MYO5B: variants seen among roughly 807,000 people sequenced by gnomAD.
MYO5B encodes the protein unconventional myosin-Vb.
MYO5B carries 143 observed loss-of-function variants against 229.3 expected under a neutral mutation model. The ratio of observed to expected loss-of-function variants is 0.62; its 90% CI spans 0.54 to 0.72. The LOEUF is 0.72. MYO5B is among the 30% of genes least tolerant of loss of function. The pLI, the probability that MYO5B is intolerant of heterozygous loss-of-function variation, is 0.00. For missense variants in MYO5B, 2,321 were observed against 2,331.0 expected (o/e 1.00, Z 0.09); for synonymous variants, 918 against 885.2 (o/e 1.04, Z -0.66).
intron 31 of MYO5B, 21 bp from the exon 32 acceptor site, chr18:49,849,681 G>A: frequency 6.9e-6 from 11 of 1,585,620 alleles, no homozygotes; most frequent in South Asian, 1.1e-5. Flanking sequence ...AGGAAGCAGT[G>A]TGAGAACAGA....
At chr18:49,930,354 A>C (rs1006388244) in intron 16 of MYO5B, among the ~76,000 whole-genome samples, 3 of 152,190 alleles carry the variant, frequency 2.0e-5, no homozygotes, top group African/African-American at 4.8e-5. Flanking sequence ...CTTCAGAGAT[A>C]TGTGCACCAT....
chr18:50,190,794 A>G (rs2033216174), intron 1 of MYO5B, among the ~76,000 whole-genome samples: 1 of 152,250 alleles, frequency 6.6e-6, no homozygotes, highest in Non-Finnish European at 1.5e-5. Context: ...ATATATTTAA[A>G]TGTTTCATAT....
intron 22 of MYO5B, among the ~76,000 whole-genome samples, chr18:49,893,471 T>C (rs1263158606): frequency 6.6e-6 from 1 of 152,190 alleles, no homozygotes; most frequent in Non-Finnish European, 1.5e-5. Flanking sequence ...ACAAGACTTG[T>C]AGACACATTT....
intron 14 of MYO5B, 39 bp downstream of exon 14, chr18:49,953,221 G>C (rs1476917678): frequency 1.9e-6 from 3 of 1,582,198 alleles, no homozygotes; most frequent in Admixed American, 3.3e-5. Flanking sequence ...ACTGGCCGTG[G>C]GCATTCCTGC....
chr18:49,932,936 G>C (rs2025210207), intron 16 of MYO5B, among the ~76,000 whole-genome samples: 3 of 152,278 alleles, frequency 2.0e-5, no homozygotes, highest in African/African-American at 7.2e-5. Flanking sequence ...GAGGACCATA[G>C]CAAGGACAAT....
intron 1 of MYO5B, among the ~76,000 whole-genome samples, chr18:50,074,637 G>C (rs1226538845): frequency 6.6e-6 from 1 of 152,130 alleles, no homozygotes; most frequent in Non-Finnish European, 1.5e-5. Flanking sequence ...GTAAATCTCA[G>C]TTGAAACATC....
chr18:50,048,189 A>C (rs2030291946), intron 2 of MYO5B, among the ~76,000 whole-genome samples: 1 of 150,278 alleles, frequency 6.7e-6, no homozygotes, highest in Admixed American at 6.6e-5. Flanking sequence ...AAGTTTTATC[A>C]CCATCTTCTC....
At chr18:50,109,306 C>T (rs920960730) in intron 1 of MYO5B, among the ~76,000 whole-genome samples, 1 of 152,124 alleles carries the variant, frequency 6.6e-6, no homozygotes, top group African/African-American at 2.4e-5. Context: ...GCACCCAAGC[C>T]GGGAGACAAG....
At chr18:50,153,077 G>A (rs1390826385) in intron 1 of MYO5B, among the ~76,000 whole-genome samples, 31 of 152,220 alleles carry the variant, frequency 2.0e-4, no homozygotes, top group Non-Finnish European at 1.3e-4. Flanking sequence ...ATATAAAGCA[G>A]GAAATTTGGA....
chr18:49,987,860 T>C (rs1313386335), intron 7 of MYO5B, among the ~76,000 whole-genome samples: 1 of 152,190 alleles, frequency 6.6e-6, no homozygotes, highest in East Asian at 1.9e-4. Context: ...GGAAATAAGC[T>C]GTGAGTGGAA....
intron 4 of MYO5B, among the ~76,000 whole-genome samples, chr18:50,003,563 T>C (rs982993992): frequency 1.3e-5 from 2 of 152,212 alleles, no homozygotes; most frequent in African/African-American, 4.8e-5. Context: ...ATCTTCATTA[T>C]CAAGTCCTTA....
At chr18:50,001,552 A>C in intron 4 of MYO5B, 141 bp from the exon 5 acceptor site, 1 of 1,083,266 alleles carries the variant, frequency 9.2e-7, no homozygotes. Context: ...ACAGTGTAAA[A>C]ATAGTCTGCC....
intron 1 of MYO5B, among the ~76,000 whole-genome samples, chr18:50,132,369 T>C (rs910138508): frequency 1.3e-5 from 2 of 152,240 alleles, no homozygotes; most frequent in South Asian, 4.1e-4. Flanking sequence ...AGTTTAATTA[T>C]GTAAAGTTGA....
intron 21 of MYO5B, among the ~76,000 whole-genome samples, chr18:49,900,940 G>C (rs888626564): frequency 6.6e-6 from 1 of 152,228 alleles, no homozygotes; most frequent in Non-Finnish European, 1.5e-5. Context: ...TGTGGGATCA[G>C]AGCTCGGGTA....
intron 1 of MYO5B, among the ~76,000 whole-genome samples, chr18:50,069,958 C>G (rs1055250087): frequency 3.3e-5 from 5 of 151,700 alleles, no homozygotes; most frequent in Non-Finnish European, 7.4e-5. Flanking sequence ...CCACTCTCAA[C>G]TTCCACTCTG....
chr18:49,873,189 G>A (rs1419536423), intron 26 of MYO5B, among the ~76,000 whole-genome samples: 1 of 152,242 alleles, frequency 6.6e-6, no homozygotes, highest in Non-Finnish European at 1.5e-5. Flanking sequence ...TAATTCCTCA[G>A]TTATTTAGCT....
chr18:50,043,315 A>G (rs1276083432), intron 2 of MYO5B, among the ~76,000 whole-genome samples: 1 of 116,166 alleles, frequency 8.6e-6, no homozygotes, highest in Admixed American at 1.1e-4. Context: ...TAATATAAAT[A>G]TATAAAATAT....
chr18:49,965,053 C>T (rs565426990), intron 10 of MYO5B, among the ~76,000 whole-genome samples: 5 of 152,210 alleles, frequency 3.3e-5, no homozygotes, highest in Non-Finnish European at 5.9e-5. Context: ...AACTGTGAGC[C>T]GGGGGAGAGT....
intron 1 of MYO5B, among the ~76,000 whole-genome samples, chr18:50,143,897 C>A (rs2032458397): frequency 6.6e-6 from 1 of 152,154 alleles, no homozygotes; most frequent in African/African-American, 2.4e-5. Context: ...AGGGGTCTTG[C>A]TTAGGGCCAA....
Sources: gnomAD v4.1 joint callset for allele counts (sites outside exome capture counted in the v4.1 genomes callset) on GRCh38, gnomAD v4.1.1 for gene constraint, MANE v1.5 for transcripts, NCBI Gene and HGNC (gene_info 2026-07-23, HGNC 2026-07-21) for gene names.